Variants in PTPN3 observed in about 807,000 individuals in gnomAD.
PTPN3 encodes the protein tyrosine-protein phosphatase non-receptor type 3.
In PTPN3, 96 loss-of-function variants were observed where a neutral mutation model predicts 132.7. The ratio of observed to expected loss-of-function variants is 0.72; its 90% CI spans 0.61 to 0.86. The LOEUF is 0.86. Ranked by LOEUF, PTPN3 falls within the 40% of genes least tolerant of loss-of-function variation. The probability of loss-of-function intolerance (pLI) is 0.00; values close to 1 mark genes in which losing one functional copy is unlikely to be tolerated. For synonymous variants in PTPN3, 398 were observed against 429.0 expected, an observed-to-expected ratio of 0.93 and a Z score of 0.89; for missense variants, 1,125 against 1,159.6, an observed-to-expected ratio of 0.97 and a Z score of 0.43.
At chr9:109,535,271 G>A in the PTPN3 span, among the ~76,000 whole-genome samples, 139 of 152,268 alleles carry the variant, frequency 9.1e-4, 1 homozygote, top group African/African-American at 3.2e-3. Context: ...ATCATTCACT[G>A]GCCGGCAGAC....
chr9:109,435,675 G>C (rs1003612394), intron 9 of PTPN3, among the ~76,000 whole-genome samples: 1 of 152,186 alleles, frequency 6.6e-6, no homozygotes, highest in African/African-American at 2.4e-5. Flanking sequence ...CACAGCCCTT[G>C]AGGGTCATTT....
At chr9:109,525,655 C>A in the PTPN3 span, among the ~76,000 whole-genome samples, 72 of 152,316 alleles carry the variant, frequency 4.7e-4, no homozygotes, top group African/African-American at 1.6e-3. Flanking sequence ...ACCTAGCTGA[C>A]CTATATTCTG....
chr9:109,516,481 G>A, the PTPN3 span, among the ~76,000 whole-genome samples: 1 of 152,136 alleles, frequency 6.6e-6, no homozygotes, highest in Non-Finnish European at 1.5e-5. Flanking sequence ...CTTGGAAGAA[G>A]GTGAACAAGC....
intron 1 of PTPN3, among the ~76,000 whole-genome samples, chr9:109,489,090 C>T (rs1232102237): frequency 1.3e-5 from 2 of 152,238 alleles, no homozygotes; most frequent in African/African-American, 2.4e-5. Context: ...TCTTTGCTTA[C>T]ACACCCTGGC....
At chr9:109,461,579 G>A (rs1845845020) in intron 2 of PTPN3, among the ~76,000 whole-genome samples, 1 of 152,096 alleles carries the variant, frequency 6.6e-6, no homozygotes, top group African/African-American at 2.4e-5. Context: ...AAGTTAGTGA[G>A]ACCTCGTTTC....
chr9:109,532,102 G>C, the PTPN3 span, among the ~76,000 whole-genome samples: 54 of 152,292 alleles, frequency 3.5e-4, no homozygotes, highest in African/African-American at 1.3e-3. Flanking sequence ...TTTGGTGGGA[G>C]TGAAACTGGG....
intron 14 of PTPN3, among the ~76,000 whole-genome samples, chr9:109,411,576 C>T (rs1048427045): frequency 6.6e-6 from 1 of 152,150 alleles, no homozygotes. Context: ...CTCTGCCCCA[C>T]CCTAACCTCA....
At chr9:109,422,348 AT>A (rs1164037234) in intron 13 of PTPN3, among the ~76,000 whole-genome samples, 1 of 152,172 alleles carries the variant, frequency 6.6e-6, no homozygotes, top group Non-Finnish European at 1.5e-5. Context: ...CCTAAAGTTT[AT>A]TTTGTGGGAT....
the PTPN3 span, among the ~76,000 whole-genome samples, chr9:109,529,610 T>C: frequency 7.0e-4 from 107 of 152,364 alleles, no homozygotes; most frequent in African/African-American, 2.5e-3. Flanking sequence ...GCAATTGCTC[T>C]TGCTTTCTAG....
intron 13 of PTPN3, among the ~76,000 whole-genome samples, chr9:109,422,496 G>T (rs1423594520): frequency 6.6e-6 from 1 of 152,170 alleles, no homozygotes; most frequent in Non-Finnish European, 1.5e-5. Flanking sequence ...AAACTATTTA[G>T]ATTGAATAAG....
chr9:109,398,150 T>C (rs777889972), intron 19 of PTPN3, among the ~76,000 whole-genome samples: 33 of 152,160 alleles, frequency 2.2e-4, no homozygotes, highest in Non-Finnish European at 4.3e-4. Flanking sequence ...GGCGCATGCC[T>C]GTAATCCTAG....
rs375545706 is a variant in PTPN3 at position 109,410,302 on chromosome 9, T to C, written c.1427A>G (p.Gln476Arg). The C allele has an allele frequency of 2.8e-5, 45 of 1,614,012 alleles. No homozygotes were observed. Among genetic ancestry groups the C allele is most frequent in the Non-Finnish European group, 3.5e-5 (41 of 1,180,028 alleles). Residue 476 changes from glutamine (Q) to arginine (R), a missense_variant, in exon 15 of 26, where the codon CAG becomes CGG. Physicochemically the swap from Gln to Arg is conservative, Grantham distance 43 (BLOSUM62 1). Coordinates refer to ENST00000374541, the MANE Select transcript of PTPN3 (RefSeq NM_002829.4). ...CACCCTGTGGAAGTCATCTAAGAGC[T>C]GCTGATCAACGCCGTCAGGTGAGCA... The part of the protein sequence containing the change: ...GSCSPDGVDQ[Q>R]LLDDFHRVTK...
intron 1 of PTPN3, among the ~76,000 whole-genome samples, chr9:109,471,581 A>C (rs979740607): frequency 2.0e-5 from 3 of 152,178 alleles, no homozygotes; most frequent in African/African-American, 7.2e-5. Flanking sequence ...AAAATTTTGC[A>C]AATTGTTCCA....
At chr9:109,408,790 A>ATATAT (rs1293697190) in intron 16 of PTPN3, among the ~76,000 whole-genome samples, 2,053 of 59,050 alleles carry the variant, frequency 0.035, 33 homozygotes, top group South Asian at 0.054. Context: ...TTAAAAAAAA[A>ATATAT]AAAAAAATAT....
chr9:109,424,817 T>G (rs1843126454), intron 12 of PTPN3, among the ~76,000 whole-genome samples: 1 of 152,246 alleles, frequency 6.6e-6, no homozygotes, highest in African/African-American at 2.4e-5. Flanking sequence ...TGGGTGTTGC[T>G]TTCAGTCACC....
At chr9:109,391,091 G>C in intron 21 of PTPN3, 47 bp downstream of exon 21, 1 of 1,552,126 alleles carries the variant, frequency 6.4e-7, no homozygotes, top group Non-Finnish European at 8.9e-7. Context: ...TCATCGTTGC[G>C]ACAGTGGTGA....
At chr9:109,520,489 A>G in the PTPN3 span, among the ~76,000 whole-genome samples, 6 of 152,244 alleles carry the variant, frequency 3.9e-5, no homozygotes, top group African/African-American at 1.2e-4. Flanking sequence ...TGACAGCATG[A>G]CAGAGTAAAC....
rs78361310 is a variant in PTPN3, at chr9:109,479,355, A to C, written c.-17-15904T>G. Among the ~76,000 whole-genome samples, 474 of 152,308 alleles carry C rather than the reference A, an allele frequency of 3.1e-3. 2 individuals carry two copies. The highest frequency in any genetic ancestry group is 0.011 in the African/African-American group (444 of 41,556). Reference sequence around the variant, plus strand: ...TCCTCCATATTTTAGCATGTATCAGAACTTTATTTCTTTTTATGACTGAAT... The same window carrying C: ...TCCTCCATATTTTAGCATGTATCAGCACTTTATTTCTTTTTATGACTGAAT... On this transcript the variant is annotated intron_variant, in intron 1 of 25. Transcript: ENST00000374541.
intron 1 of PTPN3, among the ~76,000 whole-genome samples, chr9:109,495,343 C>T (rs1847626929): frequency 6.6e-6 from 1 of 152,180 alleles, no homozygotes; most frequent in African/African-American, 2.4e-5. Context: ...CCACAAATTG[C>T]TGGTCTTTTC....
Sources: gnomAD v4.1 joint callset for allele counts (sites outside exome capture counted in the v4.1 genomes callset) on GRCh38, gnomAD v4.1.1 for gene constraint, MANE v1.5 for transcripts, NCBI Gene and HGNC (gene_info 2026-07-23, HGNC 2026-07-21) for gene names.